The following ZNF846 variants were observed in gnomAD, a reference collection of about 807,000 sequenced individuals.
ZNF846 encodes zinc finger protein 420 pseudogene.
Under a neutral mutation model 16.0 loss-of-function variants are expected in ZNF846, and 15 were observed. The ratio of observed to expected loss-of-function variants is 0.94; its 90% CI spans 0.63 to 1.45. The LOEUF (loss-of-function observed/expected upper bound fraction) is 1.45. ZNF846 is among the 40% of genes most tolerant of loss of function. The probability of loss-of-function intolerance (pLI) is 0.00; values close to 1 mark genes in which losing one functional copy is unlikely to be tolerated. For synonymous variants in ZNF846, 229 were observed against 212.0 expected (o/e 1.08, Z -0.70); for missense variants, 714 against 622.3 (o/e 1.15, Z -1.57).
chr19:9,753,637 C>T (rs1443861837), downstream of ZNF846, among the ~76,000 whole-genome samples: 4 of 151,656 alleles, frequency 2.6e-5, no homozygotes, highest in African/African-American at 7.3e-5. Flanking sequence ...AAGATGTTTT[C>T]TAATTTACCT....
At chr19:9,757,679 A>G in exon 6 of ZNF846, 1 of 1,613,392 alleles carries the variant, frequency 6.2e-7, no homozygotes. Flanking sequence ...GCATGTGCAT[A>G]TTAAGATTTG....
upstream of ZNF846, among the ~76,000 whole-genome samples, chr19:9,769,448 C>T (rs1024338375): frequency 6.6e-6 from 1 of 151,976 alleles, no homozygotes; most frequent in African/African-American, 2.4e-5. Context: ...CCAGGCTGAT[C>T]TGGAACTCCT....
At chr19:9,785,200 A>ATTTTTT (rs36014913) in intron 1 of ZNF846, among the ~76,000 whole-genome samples, 2 of 114,656 alleles carry the variant, frequency 1.7e-5, no homozygotes, top group Admixed American at 1.9e-4. Context: ...CTTCACCGAG[A>ATTTTTT]TTTTTTTTTT....
downstream of ZNF846, among the ~76,000 whole-genome samples, chr19:9,750,259 TC>T (rs575020262): frequency 6.2e-3 from 951 of 152,286 alleles, 3 homozygotes; most frequent in Middle Eastern, 0.01. Flanking sequence ...CATTTGACTC[TC>T]CTCCTGACCC....
At chr19:9,756,343 GTGTATATATATATATATATATA>G (rs1165343878), downstream of ZNF846, 5 of 71,184 alleles carry the variant, frequency 7.0e-5, no homozygotes, top group African/African-American at 3.0e-4. Flanking sequence ...GTGTGTGTGT[GTGTATATATATATATATATATA>G]TATATATATA....
At chr19:9,761,418 A>T (rs542787855) in intron 4 of ZNF846, among the ~76,000 whole-genome samples, 3 of 152,102 alleles carry the variant, frequency 2.0e-5, no homozygotes, top group Non-Finnish European at 4.4e-5. Flanking sequence ...AAGTTTTGCA[A>T]TGGTAAAGAT....
downstream of ZNF846, among the ~76,000 whole-genome samples, chr19:9,754,900 T>C (rs1263665467): frequency 1.3e-5 from 2 of 151,150 alleles, no homozygotes; most frequent in African/African-American, 4.9e-5. Flanking sequence ...AGTATCACTC[T>C]TGTTGCCCAG....
upstream of ZNF846, among the ~76,000 whole-genome samples, chr19:9,771,958 A>G (rs1599398234): frequency 1.3e-5 from 2 of 151,570 alleles, no homozygotes; most frequent in South Asian, 4.2e-4. Context: ...AGTAGAGACG[A>G]GGTTTCACCG....
At chr19:9,781,872 G>A (rs1285409025) in intron 1 of ZNF846, among the ~76,000 whole-genome samples, 6 of 151,458 alleles carry the variant, frequency 4.0e-5, no homozygotes, top group Non-Finnish European at 1.5e-5. Context: ...TCCGCCTCCG[G>A]GTTCAAGGGA....
chr19:9,756,345 G>GTGTATA (rs1321690890), downstream of ZNF846: 284 of 81,692 alleles, frequency 3.5e-3, 3 homozygotes, highest in African/African-American at 0.012. Context: ...GTGTGTGTGT[G>GTGTATA]TATATATATA....
At chr19:9,752,852 T>A (rs975569365), downstream of ZNF846, among the ~76,000 whole-genome samples, 2 of 152,218 alleles carry the variant, frequency 1.3e-5, no homozygotes, top group Non-Finnish European at 2.9e-5. Context: ...GTTACTGCTA[T>A]GAGTTGCCTT....
upstream of ZNF846, among the ~76,000 whole-genome samples, chr19:9,769,881 T>C (rs1343328378): frequency 2.6e-5 from 4 of 151,026 alleles, no homozygotes; most frequent in Non-Finnish European, 5.9e-5. Flanking sequence ...CTCGAGAGGC[T>C]GAGGCAGGAG....
At chr19:9,767,749 A>G (rs2045341204) in intron 1 of ZNF846, among the ~76,000 whole-genome samples, 1 of 152,120 alleles carries the variant, frequency 6.6e-6, no homozygotes, top group South Asian at 2.1e-4. Context: ...AGCCCAACCA[A>G]CATGGTGAAA....
intron 2 of ZNF846, among the ~76,000 whole-genome samples, chr19:9,764,420 T>C (rs1304531808): frequency 6.6e-6 from 1 of 152,256 alleles, no homozygotes; most frequent in Non-Finnish European, 1.5e-5. Flanking sequence ...TTTAAATTCT[T>C]GTCTCTGTAT....
downstream of ZNF846, chr19:9,751,875 C>A (rs1003969830): frequency 6.5e-6 from 1 of 152,876 alleles, no homozygotes. Flanking sequence ...TCACTGACTC[C>A]TTTCTCAAAC....
At chr19:9,763,385 C>G in exon 3 of ZNF846, 4 of 1,610,778 alleles carry the variant, frequency 2.5e-6, no homozygotes, top group Non-Finnish European at 3.4e-6. Context: ...AGTCCACAGC[C>G]ACATCCTCAA....
intron 1 of ZNF846, among the ~76,000 whole-genome samples, chr19:9,777,626 G>A (rs775221235): frequency 2.7e-5 from 4 of 147,692 alleles, no homozygotes; most frequent in Non-Finnish European, 5.9e-5. Flanking sequence ...AGCCCAGATC[G>A]TGCCACTGCA....
At chr19:9,766,786 G>T (rs1443884999) in intron 1 of ZNF846, among the ~76,000 whole-genome samples, 1 of 151,652 alleles carries the variant, frequency 6.6e-6, no homozygotes, top group Non-Finnish European at 1.5e-5. Context: ...TGTAGTTCCA[G>T]CTACTCGGGA....
intron 2 of ZNF846, 118 bp downstream of exon 2, chr19:9,764,818 T>C (rs2045288540): frequency 8.1e-7 from 1 of 1,229,472 alleles, no homozygotes; most frequent in Non-Finnish European, 1.2e-6. Context: ...ACCTGGGGAG[T>C]TATTTCCTGA....
Sources: gnomAD v4.1 joint callset for allele counts (sites outside exome capture counted in the v4.1 genomes callset) on GRCh38, gnomAD v4.1.1 for gene constraint, MANE v1.5 for transcripts, NCBI Gene and HGNC (gene_info 2026-07-23, HGNC 2026-07-21) for gene names.